IGF1R: variants seen among roughly 807,000 people sequenced by gnomAD.
The protein encoded by IGF1R is insulin like growth factor 1 receptor, also known as insulin-like growth factor 1 receptor.
A neutral mutation model predicts 144.6 loss-of-function variants in IGF1R; 44 were observed. The ratio of observed to expected loss-of-function variants is 0.30; its 90% CI spans 0.24 to 0.39. IGF1R has a LOEUF of 0.39. Among genes scored for constraint, IGF1R ranks in the 10% least tolerant of loss-of-function variants. The probability of loss-of-function intolerance (pLI) is 1.00; values close to 1 mark genes in which losing one functional copy is unlikely to be tolerated. For missense variants in IGF1R, 1,355 were observed against 1,833.7 expected (o/e 0.74, Z 4.77); for synonymous variants, 795 against 722.8 (o/e 1.10, Z -1.60).
intron 18 of IGF1R, among the ~76,000 whole-genome samples, chr15:98,940,717 T>G (rs1243314961): frequency 6.6e-6 from 1 of 152,238 alleles, no homozygotes; most frequent in Non-Finnish European, 1.5e-5. Flanking sequence ...GAATGGTTTC[T>G]AAAGTAGGGG....
chr15:98,922,027 AAGGGG>A, intron 10 of IGF1R, 116 bp from the exon 11 acceptor site: 1 of 1,027,676 alleles, frequency 9.7e-7, no homozygotes. Context: ...GTTCTTACCT[AAGGGG>A]GCTCAATAGC....
intron 2 of IGF1R, among the ~76,000 whole-genome samples, chr15:98,828,192 G>T (rs2684768): frequency 0.12 from 18,548 of 152,152 alleles, 2,677 homozygotes; most frequent in African/African-American, 0.35. Context: ...AGGACATAAG[G>T]TAGTTCTCAT....
At chr15:98,664,708 A>G (rs1366900456) in intron 1 of IGF1R, among the ~76,000 whole-genome samples, 3 of 150,792 alleles carry the variant, frequency 2.0e-5, no homozygotes, top group Non-Finnish European at 4.4e-5. Context: ...AAAAAAAAAA[A>G]GTGTCACCCA....
In IGF1R at chr15:98,830,329, C is replaced by T. The variant is rs143345408; in HGVS notation, c.641-60996C>T. On this transcript the variant is annotated intron_variant, in intron 2 of 20. Transcript: ENST00000650285. ...ATCCTTTTCCCTGAGCTTTCTTCTC[C>T]TTTGCCATGTGTTTTCATTTCTGCC... Among the ~76,000 whole-genome samples, 535 of 152,322 alleles carry T rather than the reference C, an allele frequency of 3.5e-3. 4 individuals carry two copies. Among genetic ancestry groups the T allele is most frequent in the African/African-American group, 0.011 (468 of 41,576 alleles).
chr15:98,726,712 ATTTTTTTT>A (rs756622481), intron 2 of IGF1R, among the ~76,000 whole-genome samples: 7 of 93,108 alleles, frequency 7.5e-5, no homozygotes, highest in East Asian at 3.1e-4. Context: ...TACATTGATG[ATTTTTTTT>A]TTTTTTTTTT....
At chr15:98,792,331 A>G (rs4965433) in intron 2 of IGF1R, among the ~76,000 whole-genome samples, 151,557 of 152,356 alleles carry the variant, frequency 0.99, 75,385 homozygotes, top group East Asian at 1. Context: ...ATTATTATAT[A>G]ACTTAGCATT....
At chr15:98,913,388 GTCTT>G in intron 8 of IGF1R, 106 bp downstream of exon 8, 2 of 864,826 alleles carry the variant, frequency 2.3e-6, no homozygotes, top group East Asian at 2.4e-5. Flanking sequence ...TATGCCTGTT[GTCTT>G]TCTTGTCAAT....
At chr15:98,693,646 C>G (rs2053531948) in intron 1 of IGF1R, among the ~76,000 whole-genome samples, 1 of 152,196 alleles carries the variant, frequency 6.6e-6, no homozygotes, top group African/African-American at 2.4e-5. Context: ...TGCTTTGTCA[C>G]CCAGGCTGGA....
At chr15:98,872,814 T>C (rs1228365832) in intron 2 of IGF1R, among the ~76,000 whole-genome samples, 1 of 151,938 alleles carries the variant, frequency 6.6e-6, no homozygotes, top group Non-Finnish European at 1.5e-5. Flanking sequence ...ATCTTAAAAT[T>C]TTAAACATTG....
At chr15:98,936,379 A>G (rs1274965326) in intron 17 of IGF1R, among the ~76,000 whole-genome samples, 1 of 152,184 alleles carries the variant, frequency 6.6e-6, no homozygotes, top group Non-Finnish European at 1.5e-5. Context: ...TTTTTAACAT[A>G]TGCGGGCATG....
At chr15:98,906,333 C>T (rs193219619) in intron 5 of IGF1R, among the ~76,000 whole-genome samples, 56 of 152,304 alleles carry the variant, frequency 3.7e-4, no homozygotes, top group African/African-American at 1.3e-3. Flanking sequence ...TGGTCCTTAC[C>T]GGCAGCCCAG....
chr15:98,796,167 G>T (rs530458761), intron 2 of IGF1R, among the ~76,000 whole-genome samples: 1 of 57,066 alleles, frequency 1.8e-5, no homozygotes, highest in Non-Finnish European at 6.2e-5. Flanking sequence ...GCCCAGCATC[G>T]TGTGGGCACT....
intron 17 of IGF1R, among the ~76,000 whole-genome samples, chr15:98,937,576 T>C (rs1470746812): frequency 1.3e-5 from 2 of 152,240 alleles, no homozygotes; most frequent in African/African-American, 4.8e-5. Flanking sequence ...TGCAGTTTCA[T>C]TATATTCAAC....
chr15:98,755,076 A>G (rs1314681031), intron 2 of IGF1R, among the ~76,000 whole-genome samples: 1 of 152,260 alleles, frequency 6.6e-6, no homozygotes, highest in Non-Finnish European at 1.5e-5. Context: ...AGATATATAT[A>G]GAAAATTGTG....
At position 98,913,092 on chromosome 15, in the gene IGF1R, C is replaced by T. The variant is rs777117779; in HGVS notation, c.1638C>T (p.Ser546=). The change falls in exon 8 of 21, where the codon TCC becomes TCT. Residue 546 remains serine (S), a synonymous_variant. Coordinates refer to ENST00000650285, the MANE Select transcript of IGF1R (RefSeq NM_000875.5). ...ATGATGGGCAGGATGCCTGCGGCTC[C>T]AACAGCTGGAACATGGTGGACGTGG... ...TEYDGQDACG[S]NSWNMVDVDL... is the part of the protein sequence containing the mutation. 4.3e-6 allele frequency: 7 copies of T among 1,614,202 alleles called. No homozygotes were observed. Among genetic ancestry groups the T allele is most frequent in the Non-Finnish European group, 5.9e-6 (7 of 1,180,020 alleles).
At chr15:98,764,542 C>T (rs2141359099) in intron 2 of IGF1R, among the ~76,000 whole-genome samples, 1 of 152,290 alleles carries the variant, frequency 6.6e-6, no homozygotes, top group Non-Finnish European at 1.5e-5. Context: ...CAAATAGAGG[C>T]TTCTAGCACA....
At chr15:98,898,408 A>G (rs2014310891) in intron 4 of IGF1R, among the ~76,000 whole-genome samples, 1 of 152,226 alleles carries the variant, frequency 6.6e-6, no homozygotes, top group Non-Finnish European at 1.5e-5. Context: ...GATTGGATTT[A>G]GGATGATGGG....
intron 2 of IGF1R, among the ~76,000 whole-genome samples, chr15:98,805,375 A>G (rs2056449596): frequency 6.6e-6 from 1 of 151,948 alleles, no homozygotes; most frequent in African/African-American, 2.4e-5. Flanking sequence ...CTGTTTCTCT[A>G]GGATTGTTTT....
At chr15:98,830,605 C>CTTT (rs60426791) in intron 2 of IGF1R, among the ~76,000 whole-genome samples, 11 of 135,938 alleles carry the variant, frequency 8.1e-5, no homozygotes, top group East Asian at 4.3e-4. Flanking sequence ...TGATCATCAT[C>CTTT]TTTTTTTTTT....
Sources: gnomAD v4.1 joint callset for allele counts (sites outside exome capture counted in the v4.1 genomes callset) on GRCh38, gnomAD v4.1.1 for gene constraint, MANE v1.5 for transcripts, NCBI Gene and HGNC (gene_info 2026-07-23, HGNC 2026-07-21) for gene names.